Variants in ST3GAL3 observed in about 807,000 individuals in gnomAD.
ST3GAL3 encodes the protein CMP-N-acetylneuraminate-beta-1,4-galactoside alpha-2,3-sialyltransferase.
Under a neutral mutation model 50.1 loss-of-function variants are expected in ST3GAL3, and 21 were observed. The observed-to-expected ratio is 0.42, with a 90% CI of 0.30 to 0.60. ST3GAL3 has a LOEUF of 0.60. ST3GAL3 is among the 20% of genes least tolerant of loss of function. ST3GAL3 has a pLI of 0.19. For missense variants in ST3GAL3, 353 were observed against 489.4 expected (o/e 0.72, Z 2.63); for synonymous variants, 183 against 190.0 (o/e 0.96, Z 0.30).
chr1:43,746,346 A>G (rs192873409), intron 2 of ST3GAL3, among the ~76,000 whole-genome samples: 26 of 152,312 alleles, frequency 1.7e-4, no homozygotes, highest in East Asian at 5.8e-4. Context: ...GGAGAGTTCA[A>G]TGGGTTCAGA....
intron 6 of ST3GAL3, among the ~76,000 whole-genome samples, chr1:43,894,852 C>T (rs1208487297): frequency 6.6e-6 from 1 of 152,020 alleles, no homozygotes; most frequent in East Asian, 1.9e-4. Flanking sequence ...CCAGGTTGAT[C>T]TCAAACTCCT....
intron 2 of ST3GAL3, 116 bp downstream of exon 2, chr1:43,736,496 A>G (rs1249527846): frequency 2.5e-6 from 4 of 1,591,226 alleles, no homozygotes; most frequent in East Asian, 2.2e-5. Context: ...TAAACTGAAC[A>G]TTTCTGGGAC....
chr1:43,896,743 C>T (rs956474847), intron 6 of ST3GAL3: 1 of 152,136 alleles, frequency 6.6e-6, no homozygotes, highest in Non-Finnish European at 1.5e-5. Flanking sequence ...CAGGGTTTAA[C>T]CATGTTGCCC....
chr1:43,850,225 C>T (rs1017263114), intron 5 of ST3GAL3: 6 of 373,948 alleles, frequency 1.6e-5, no homozygotes, highest in Non-Finnish European at 2.6e-5. Context: ...GCAGCTTGTA[C>T]ATCTCTCAAG....
At chr1:43,761,454 T>C (rs1572327834) in intron 2 of ST3GAL3, among the ~76,000 whole-genome samples, 1 of 151,918 alleles carries the variant, frequency 6.6e-6, no homozygotes, top group African/African-American at 2.4e-5. Context: ...TGTATTTAGA[T>C]ATGAAATGAC....
chr1:43,752,535 C>G (rs963562711), intron 2 of ST3GAL3, among the ~76,000 whole-genome samples: 1 of 152,090 alleles, frequency 6.6e-6, no homozygotes, highest in Non-Finnish European at 1.5e-5. Context: ...GGGTCTCGCT[C>G]TGTGTCCCAG....
chr1:43,815,207 A>C (rs2154177384), intron 4 of ST3GAL3, among the ~76,000 whole-genome samples: 2 of 152,262 alleles, frequency 1.3e-5, no homozygotes, highest in South Asian at 4.1e-4. Flanking sequence ...AAGGACTAGG[A>C]GTCTCCTGGA....
At chr1:43,782,628 A>G (rs950227990) in intron 2 of ST3GAL3, among the ~76,000 whole-genome samples, 3 of 152,100 alleles carry the variant, frequency 2.0e-5, no homozygotes, top group African/African-American at 7.2e-5. Flanking sequence ...ACTGTCATCA[A>G]CGGTGATGAT....
At chr1:43,826,845 A>G (rs1047325878) in intron 4 of ST3GAL3, among the ~76,000 whole-genome samples, 1 of 152,216 alleles carries the variant, frequency 6.6e-6, no homozygotes, top group Non-Finnish European at 1.5e-5. Flanking sequence ...AAGAAAAATC[A>G]TATAATCATA....
intron 9 of ST3GAL3, among the ~76,000 whole-genome samples, chr1:43,904,004 G>A (rs2078726120): frequency 1.3e-5 from 2 of 152,266 alleles, no homozygotes; most frequent in African/African-American, 4.8e-5. Flanking sequence ...GTAATGTTAT[G>A]TTATTTTATT....
chr1:43,917,492 ATATATAATATAT>A (rs1373119329), intron 9 of ST3GAL3, among the ~76,000 whole-genome samples: 578 of 41,704 alleles, frequency 0.014, 8 homozygotes, highest in Admixed American at 0.034. Context: ...AATATATAAT[ATATATAATATAT>A]TATATAATAT....
At chr1:43,799,411 CA>C (rs1325148913) in intron 3 of ST3GAL3, among the ~76,000 whole-genome samples, 1 of 152,070 alleles carries the variant, frequency 6.6e-6, no homozygotes, top group Non-Finnish European at 1.5e-5. Context: ...TTATAAACAA[CA>C]GAAATTTATT....
At chr1:43,892,475 A>G (rs903708668) in intron 5 of ST3GAL3, among the ~76,000 whole-genome samples, 3 of 152,248 alleles carry the variant, frequency 2.0e-5, no homozygotes, top group Non-Finnish European at 2.9e-5. Context: ...ATCAGTTTCA[A>G]GGTATACCAT....
chr1:43,921,860 AC>A, intron 11 of ST3GAL3: 1 of 398,072 alleles, frequency 2.5e-6, no homozygotes, highest in East Asian at 3.6e-5. Context: ...CTCCCCTCAC[AC>A]CTGACCCAGC....
At chr1:43,764,742 G>A (rs1257601193) in intron 2 of ST3GAL3, among the ~76,000 whole-genome samples, 2 of 152,224 alleles carry the variant, frequency 1.3e-5, no homozygotes, top group Non-Finnish European at 2.9e-5. Context: ...GTCATTGGAC[G>A]AGGGCTGCCC....
chr1:43,924,183 G>C (rs541762967), intron 11 of ST3GAL3, among the ~76,000 whole-genome samples: 2 of 152,130 alleles, frequency 1.3e-5, no homozygotes, highest in Non-Finnish European at 2.9e-5. Flanking sequence ...CTGTTGTCTC[G>C]GATAGGGTTC....
rs745783281 is a variant in ST3GAL3 at position 43,899,777 on chromosome 1, A to G, written c.744+50A>G. On this transcript the variant is annotated intron_variant, in intron 9 of 11. Transcript: ENST00000347631. The surrounding 1 kb of genome is among the most constrained non-coding windows in gnomAD (Gnocchi z 5.4). Reference sequence around the variant, plus strand: ...TTCCCCTCTTGCCCTGGGCTTCCGCAACTCCTAAGCAATCCCGCCCCTTGA... The same window carrying G: ...TTCCCCTCTTGCCCTGGGCTTCCGCGACTCCTAAGCAATCCCGCCCCTTGA... 4 of 1,546,362 alleles carry G rather than the reference A, an allele frequency of 2.6e-6. No individual in the cohort carries two copies. Among genetic ancestry groups the G allele is most frequent in the Non-Finnish European group, 3.6e-6 (4 of 1,119,680 alleles).
intron 5 of ST3GAL3, among the ~76,000 whole-genome samples, chr1:43,855,408 G>A (rs1326761698): frequency 6.6e-6 from 1 of 152,048 alleles, no homozygotes; most frequent in African/African-American, 2.4e-5. Context: ...TCAAGAGTTC[G>A]AGACCAGCCT....
At position 43,720,205 on chromosome 1, in the gene ST3GAL3, G is replaced by A. The variant is rs910067020; in HGVS notation, c.-31+12512G>A. On this transcript the variant is annotated intron_variant, in intron 1 of 11. Coordinates refer to ENST00000347631, the MANE Select transcript of ST3GAL3 (RefSeq NM_006279.5). Reference sequence around the variant, plus strand: ...GGTCATGACACTGCACTCCAGCCTGGACCGCAGAGTGATACCCTGTCTCTT... The same window carrying A: ...GGTCATGACACTGCACTCCAGCCTGAACCGCAGAGTGATACCCTGTCTCTT... Among the ~76,000 whole-genome samples the A allele has an allele frequency of 2.0e-4, 30 of 152,168 alleles. 1 individual carries two copies. Among genetic ancestry groups the A allele is most frequent in the Admixed American group, 1.8e-3 (28 of 15,278 alleles).
Sources: allele counts gnomAD v4.1 joint callset (sites outside exome capture counted in the v4.1 genomes callset), GRCh38; gene constraint gnomAD v4.1.1; non-coding constraint Gnocchi (gnomAD v3.1); transcripts MANE v1.5; gene names NCBI Gene and HGNC (gene_info 2026-07-23, HGNC 2026-07-21).